The following CDYL variants were observed in gnomAD, a reference collection of about 807,000 sequenced individuals.
CDYL encodes chromodomain Y like.
In CDYL, 8 loss-of-function variants were observed where a neutral mutation model predicts 47.3. The observed-to-expected ratio is 0.17, with a 90% CI of 0.10 to 0.31. The LOEUF (loss-of-function observed/expected upper bound fraction) is 0.31, where lower values mean the gene tolerates loss of function less well. Among genes scored for constraint, CDYL ranks in the 10% least tolerant of loss-of-function variants. The probability of loss-of-function intolerance (pLI) is 1.00; values close to 1 mark genes in which losing one functional copy is unlikely to be tolerated. For synonymous variants in CDYL, 266 were observed against 265.0 expected, an observed-to-expected ratio of 1.00 and a Z score of -0.04; for missense variants, 471 against 701.4, an observed-to-expected ratio of 0.67 and a Z score of 3.71.
chr6:4,950,056 C>T (rs1758649770), intron 5 of CDYL, among the ~76,000 whole-genome samples: 1 of 152,080 alleles, frequency 6.6e-6, no homozygotes, highest in Non-Finnish European at 1.5e-5. Flanking sequence ...TGAGTGAGTG[C>T]TGAGCAGAGA....
chr6:4,895,465 A>ATGTATACG (rs1561694109), intron 2 of CDYL, among the ~76,000 whole-genome samples: 117 of 3,364 alleles, frequency 0.035, 50 homozygotes, highest in African/African-American at 0.035. Flanking sequence ...ACATGTATAC[A>ATGTATACG]TATATACGTA....
chr6:4,715,557 T>C (rs1486799901), intron 1 of CDYL, among the ~76,000 whole-genome samples: 3 of 152,222 alleles, frequency 2.0e-5, no homozygotes, highest in Non-Finnish European at 4.4e-5. Context: ...TCCTTATCAT[T>C]TTAAATGTGT....
chr6:4,852,595 C>A (rs1760883466), intron 1 of CDYL, among the ~76,000 whole-genome samples: 1 of 130,830 alleles, frequency 7.6e-6, no homozygotes, highest in Non-Finnish European at 1.5e-5. Flanking sequence ...TTCCTTCCTC[C>A]TTCCTTCCTC....
chr6:4,750,116 A>T (rs558264200), intron 3 of CDYL, among the ~76,000 whole-genome samples: 1 of 152,250 alleles, frequency 6.6e-6, no homozygotes, highest in South Asian at 2.1e-4. Flanking sequence ...AGGCTGGAAG[A>T]CTGCTTGAGG....
At chr6:4,742,772 G>A (rs1416432382) in intron 3 of CDYL, among the ~76,000 whole-genome samples, 2 of 152,192 alleles carry the variant, frequency 1.3e-5, no homozygotes, top group African/African-American at 2.4e-5. Flanking sequence ...CCTCTCAGGG[G>A]TTTTTCCTTG....
chr6:4,930,390 A>G (rs1445293479), intron 2 of CDYL, among the ~76,000 whole-genome samples: 2 of 152,182 alleles, frequency 1.3e-5, no homozygotes, highest in Non-Finnish European at 2.9e-5. Flanking sequence ...GCCTCCCCCA[A>G]GTCATCTGTT....
chr6:4,900,803 A>ATATATATT (rs1757017446), intron 2 of CDYL, among the ~76,000 whole-genome samples: 1 of 77,738 alleles, frequency 1.3e-5, no homozygotes, highest in African/African-American at 5.8e-5. Flanking sequence ...ATATATATAT[A>ATATATATT]TATATATATA....
intron 1 of CDYL, among the ~76,000 whole-genome samples, chr6:4,789,233 G>A (rs952226785): frequency 6.6e-6 from 1 of 152,092 alleles, no homozygotes; most frequent in African/African-American, 2.4e-5. Context: ...GCACCACCGT[G>A]CCTGGCTAAT....
In CDYL at chr6:4,738,549, G is replaced by T. The variant is rs75799344; in HGVS notation, c.186+3705G>T. Reference sequence around the variant, plus strand: ...ACAAAACCAAGTGTTAGAGAGGATCGTGGGAAACCAAAGATTCTCATGCAC... The same window carrying T: ...ACAAAACCAAGTGTTAGAGAGGATCTTGGGAAACCAAAGATTCTCATGCAC... On this transcript the variant is annotated intron_variant, in intron 3 of 8. Coordinates refer to the CDYL transcript ENST00000328908. Among the ~76,000 whole-genome samples, 21 of 152,298 alleles carry T rather than the reference G, an allele frequency of 1.4e-4. No individual in the cohort carries two copies. In the East Asian group the frequency reaches 3.9e-3, roughly 28 times the overall value.
chr6:4,745,705 C>A (rs1757881632), intron 3 of CDYL, among the ~76,000 whole-genome samples: 1 of 152,234 alleles, frequency 6.6e-6, no homozygotes, highest in African/African-American at 2.4e-5. Flanking sequence ...ACAGGGCGTC[C>A]AGTGCTGTCA....
At position 4,729,759 on chromosome 6, in the gene CDYL, A is replaced by G. The variant is rs1005180975; in HGVS notation, c.104-5003A>G. 2.0e-5 allele frequency among the ~76,000 whole-genome samples: 3 copies of G among 152,120 alleles called. No individual in the cohort carries two copies. In the East Asian group the frequency reaches 5.8e-4, roughly 29 times the overall value. On this transcript the variant is annotated intron_variant, in intron 2 of 8. Coordinates refer to the CDYL transcript ENST00000328908. ...AGGGTGAAATCCTGTCTCTACAAAA[A>G]ATACAAAAATTAGCTGTGCATGGTG... is the stretch of plus-strand genomic sequence containing the variant.
chr6:4,827,351 C>T (rs560973488), intron 1 of CDYL, among the ~76,000 whole-genome samples: 3 of 152,254 alleles, frequency 2.0e-5, no homozygotes, highest in Admixed American at 6.5e-5. Context: ...TACTTTTGTT[C>T]CTCATTGCCT....
intron 1 of CDYL, among the ~76,000 whole-genome samples, chr6:4,710,680 C>CA (rs1363412426): frequency 5.9e-5 from 9 of 152,108 alleles, no homozygotes; most frequent in African/African-American, 1.9e-4. Context: ...GTCCCACAGG[C>CA]ACGCTGTGCT....
At chr6:4,909,796 G>C (rs545200336) in intron 2 of CDYL, among the ~76,000 whole-genome samples, 20 of 151,466 alleles carry the variant, frequency 1.3e-4, no homozygotes, top group African/African-American at 4.4e-4. Flanking sequence ...GGATGATCTC[G>C]ATCTCCTGAT....
At chr6:4,881,496 G>T (rs868337237) in intron 1 of CDYL, among the ~76,000 whole-genome samples, 1 of 152,066 alleles carries the variant, frequency 6.6e-6, no homozygotes, top group Admixed American at 6.5e-5. Flanking sequence ...GCATTTCATG[G>T]TTTAAATAAA....
At chr6:4,870,694 C>T (rs1761447243) in intron 1 of CDYL, among the ~76,000 whole-genome samples, 1 of 152,160 alleles carries the variant, frequency 6.6e-6, no homozygotes, top group African/African-American at 2.4e-5. Context: ...GTTTTTCTTA[C>T]ATCTTTTTTT....
chr6:4,895,455 A>G (rs59877531), intron 2 of CDYL, among the ~76,000 whole-genome samples: 1 of 2,624 alleles, frequency 3.8e-4, no homozygotes, highest in African/African-American at 3.9e-4. Flanking sequence ...ATGCATATAT[A>G]CATGTATACA....
At chr6:4,786,940 A>G (rs1297834668) in intron 1 of CDYL, among the ~76,000 whole-genome samples, 1 of 152,066 alleles carries the variant, frequency 6.6e-6, no homozygotes, top group Non-Finnish European at 1.5e-5. Context: ...TCCTGTCCTG[A>G]TTCTTGACCC....
chr6:4,778,563 T>C (rs1457644312), intron 1 of CDYL, among the ~76,000 whole-genome samples: 1 of 152,186 alleles, frequency 6.6e-6, no homozygotes, highest in Admixed American at 6.5e-5. Context: ...AATACTGAGG[T>C]GTGAGAATGG....
Sources: gnomAD v4.1 joint callset for allele counts (sites outside exome capture counted in the v4.1 genomes callset) on GRCh38, gnomAD v4.1.1 for gene constraint, MANE v1.5 for transcripts, NCBI Gene and HGNC (gene_info 2026-07-23, HGNC 2026-07-21) for gene names.